Variants in CACNA1B observed in about 807,000 individuals in gnomAD.
CACNA1B encodes calcium voltage-gated channel subunit alpha1 B.
In CACNA1B, 70 loss-of-function variants were observed where a neutral mutation model predicts 247.2. That is an observed-to-expected ratio of 0.28 (90% CI 0.23 to 0.35). CACNA1B has a LOEUF of 0.35. Among genes scored for constraint, CACNA1B ranks in the 10% least tolerant of loss-of-function variants. The pLI is 1.00. For synonymous variants in CACNA1B, 1,231 were observed against 1,294.4 expected (o/e 0.95, Z 1.05); for missense variants, 2,367 against 3,197.4 (o/e 0.74, Z 6.26).
At chr9:138,115,301 A>G (rs956068398) in intron 41 of CACNA1B, among the ~76,000 whole-genome samples, 3 of 152,308 alleles carry the variant, frequency 2.0e-5, no homozygotes, top group Middle Eastern at 3.4e-3. Context: ...GGCTTTCCTG[A>G]AGTCACTGAC....
At chr9:137,982,006 C>T (rs1282391265) in intron 12 of CACNA1B, among the ~76,000 whole-genome samples, 1 of 152,220 alleles carries the variant, frequency 6.6e-6, no homozygotes, top group Non-Finnish European at 1.5e-5. Flanking sequence ...AAACCACTCC[C>T]ACATTTTAGG....
chr9:137,984,039 C>T (rs557663690), intron 12 of CACNA1B, 99 bp from the exon 13 acceptor site: 3 of 840,478 alleles, frequency 3.6e-6, no homozygotes, highest in Admixed American at 2.0e-5. Flanking sequence ...AGGATGGTTC[C>T]TTACGGAGAG....
rs766220045 is a variant in CACNA1B, at chr9:137,971,504, C to T, written c.1455C>T (p.Tyr485=). The T allele has an allele frequency of 6.2e-7, 1 of 1,613,802 alleles. No individual in the cohort carries two copies. The highest frequency in any genetic ancestry group is 2.2e-5 in the East Asian group (1 of 44,878). ...GCATGGTGAAGGCTCAGAGCTTCTA[C>T]TGGGTGGTGCTGTGCGTGGTGGCCC... is the stretch of plus-strand genomic sequence containing the variant. The part of the protein sequence containing the change: ...IRRMVKAQSF[Y]WVVLCVVALN... The change falls in exon 11 of 47, where the codon TAC becomes TAT. Residue 485 remains tyrosine (Y), a synonymous_variant. Coordinates refer to ENST00000371372, the MANE Select transcript of CACNA1B (RefSeq NM_000718.4). The surrounding 1 kb of genome is among the most constrained non-coding windows in gnomAD (Gnocchi z 4.4).
chr9:138,064,682 G>A (rs1477063048), intron 31 of CACNA1B, among the ~76,000 whole-genome samples: 2 of 152,176 alleles, frequency 1.3e-5, no homozygotes, highest in Admixed American at 1.3e-4. Context: ...AGGGCTCTTG[G>A]TTGCCATTGA....
intron 31 of CACNA1B, among the ~76,000 whole-genome samples, chr9:138,064,733 T>C (rs888728558): frequency 6.6e-6 from 1 of 152,190 alleles, no homozygotes; most frequent in Non-Finnish European, 1.5e-5. Flanking sequence ...CAACCAGCCA[T>C]GGAAGGGAGC....
rs180980367 is a variant in CACNA1B, at chr9:137,995,734, C to T, written c.1974+8880C>T. Reference sequence around the variant, plus strand: ...CACAGCAAAAGAAATAATCAATAAACAGACATCCCACAAAGTGGGAGAAAA... The same window carrying T: ...CACAGCAAAAGAAATAATCAATAAATAGACATCCCACAAAGTGGGAGAAAA... On this transcript the variant is annotated intron_variant, in intron 15 of 46. Transcript: ENST00000371372. 2.6e-5 allele frequency among the ~76,000 whole-genome samples: 4 copies of T among 152,278 alleles called. No homozygotes were observed. In the East Asian group the frequency reaches 7.7e-4, roughly 29 times the overall value.
At chr9:137,916,281 C>T (rs1479898771) in intron 5 of CACNA1B, among the ~76,000 whole-genome samples, 2 of 152,154 alleles carry the variant, frequency 1.3e-5, no homozygotes, top group East Asian at 3.8e-4. Context: ...AATCTGCCCA[C>T]CTCAGCCTCC....
chr9:137,965,573 TTTTATTTATTTA>T (rs10586603), intron 10 of CACNA1B, among the ~76,000 whole-genome samples: 151 of 148,522 alleles, frequency 1.0e-3, no homozygotes, highest in African/African-American at 2.6e-3. Context: ...TCCTACTTCA[TTTTATTTATTTA>T]TTTATTTATT....
At chr9:138,035,588 CTCCCTCCT>C (rs1184296205) in intron 20 of CACNA1B, among the ~76,000 whole-genome samples, 2 of 151,746 alleles carry the variant, frequency 1.3e-5, no homozygotes, top group Non-Finnish European at 2.9e-5. Flanking sequence ...CCTTCCCTCC[CTCCCTCCT>C]TCCCTCCTTC....
chr9:138,107,267 T>TTTATG (rs1554759296), intron 39 of CACNA1B, among the ~76,000 whole-genome samples: 8,519 of 147,338 alleles, frequency 0.058, 552 homozygotes, highest in African/African-American at 0.14. Flanking sequence ...TATTTATTTA[T>TTTATG]ATAGGGTCTC....
intron 15 of CACNA1B, among the ~76,000 whole-genome samples, chr9:137,994,974 G>A (rs891004609): frequency 3.3e-5 from 5 of 152,150 alleles, no homozygotes; most frequent in South Asian, 2.1e-4. Flanking sequence ...GAAGGCCAAG[G>A]CGGGCAGATT....
rs1958367247 is a variant in CACNA1B, at chr9:137,986,743, A to G, written c.1902-39A>G. ...GCCTGCAGGCGCTGCCTCGCTGCTGACGGGACTGCCACTTCCCAAGCCTTC... is the reference window on the plus strand; with the variant it reads ...GCCTGCAGGCGCTGCCTCGCTGCTGGCGGGACTGCCACTTCCCAAGCCTTC... On this transcript the variant is annotated intron_variant, in intron 14 of 46. Coordinates refer to ENST00000371372, the MANE Select transcript of CACNA1B (RefSeq NM_000718.4). This position sits in a 1 kb window ranked among gnomAD's most constrained non-coding sequence, Gnocchi z 6.0. The G allele has an allele frequency of 6.5e-7, 1 of 1,547,700 alleles. No homozygotes were observed. Among genetic ancestry groups the G allele is most frequent in the Non-Finnish European group, 8.9e-7 (1 of 1,119,934 alleles).
intron 39 of CACNA1B, among the ~76,000 whole-genome samples, chr9:138,110,656 C>A (rs954682389): frequency 2.0e-5 from 3 of 152,110 alleles, no homozygotes; most frequent in Non-Finnish European, 2.9e-5. Flanking sequence ...TGCTTGAGCC[C>A]AGGTGTTCGA....
chr9:137,879,432 T>A (rs909450712), intron 2 of CACNA1B, among the ~76,000 whole-genome samples: 1 of 152,252 alleles, frequency 6.6e-6, no homozygotes, highest in Non-Finnish European at 1.5e-5. Context: ...CTGTCCTGGC[T>A]TTCGGCGCTA....
rs1269124990 is a variant in CACNA1B, at chr9:137,952,321, T to A, written c.1014T>A (p.Pro338=). The A allele has an allele frequency of 1.2e-6, 2 of 1,613,578 alleles. No homozygotes were observed. Among genetic ancestry groups the A allele is most frequent in the South Asian group, 1.1e-5 (1 of 91,054 alleles). ...CCTGGAACTGGCTCTACTTCATCCC[T>A]CTCATCATCATCGGCTCCTTCTTCA... ...GNTWNWLYFI[P]LIIIGSFFML... is the part of the protein sequence containing the mutation. The change falls in exon 7 of 47, where the codon CCT becomes CCA. Residue 338 remains proline, a synonymous_variant. Transcript: ENST00000371372. The surrounding 1 kb of genome is among the most constrained non-coding windows in gnomAD (Gnocchi z 4.8).
intron 34 of CACNA1B, among the ~76,000 whole-genome samples, chr9:138,075,166 T>C (rs187138667): frequency 6.6e-6 from 1 of 152,312 alleles, no homozygotes; most frequent in Admixed American, 6.5e-5. Flanking sequence ...ATTTCTAAAC[T>C]CTATTTCAGG....
chr9:137,893,823 CT>C lies in CACNA1B; in HGVS notation c.530+10941del, dbSNP rs1957138699. 2.0e-5 allele frequency among the ~76,000 whole-genome samples: 3 copies of C among 152,252 alleles called. No homozygotes were observed. In the South Asian group the frequency reaches 6.2e-4, roughly 32 times the overall value. On this transcript the variant is annotated intron_variant, in intron 3 of 46. Coordinates refer to ENST00000371372, the MANE Select transcript of CACNA1B (RefSeq NM_000718.4). ...GAAACTGTAATAGCAGGGCCACGGT[CT>C]CATGACTAGGTGCTGAGATTGACAC... is the stretch of plus-strand genomic sequence containing the variant.
rs1230448007 is a variant in CACNA1B at position 138,031,037 on chromosome 9, C to CAGAAA, written c.3286+5866_3286+5867insGAAAA. Among the ~76,000 whole-genome samples, 1,037 of 152,098 alleles carry CAGAAA rather than the reference C, an allele frequency of 6.8e-3. 3 individuals carry two copies. The highest frequency in any genetic ancestry group is 0.024 in the Middle Eastern group (7 of 294). ...ATTTTCCCTATTATTTTTCTGTTTT[C>CAGAAA]AATTTCTTTTGATTTCTGCTGTTTA... On this transcript the variant is annotated intron_variant, in intron 20 of 46. Transcript: ENST00000371372.
Position 138,121,345 on chromosome 9 carries a change from C to G in CACNA1B, c.6490-124C>G. The G allele has an allele frequency of 2.8e-6, 2 of 703,938 alleles. No individual in the cohort carries two copies. The highest frequency in any genetic ancestry group is 4.5e-6 in the Non-Finnish European group (2 of 440,370). The allele number at this position is 703,938 out of a possible 1,614,324, so 43.6% of individuals were successfully genotyped here. On this transcript the variant is annotated intron_variant, in intron 46 of 46. Coordinates refer to ENST00000371372, the MANE Select transcript of CACNA1B (RefSeq NM_000718.4). This position sits in a 1 kb window ranked among gnomAD's most constrained non-coding sequence, Gnocchi z 6.8. ...CTCCCTGGTCACCGCAGCCCGTTGT[C>G]CCCCATTGCCTCCCTCTCTCCTCCC...
Sources: gnomAD v4.1 joint callset for allele counts (sites outside exome capture counted in the v4.1 genomes callset) on GRCh38, gnomAD v4.1.1 for gene constraint, Gnocchi (gnomAD v3.1) non-coding constraint, MANE v1.5 for transcripts, NCBI Gene and HGNC (gene_info 2026-07-23, HGNC 2026-07-21) for gene names.